Variants in SOX13 observed in about 807,000 individuals in gnomAD.
SOX13 encodes the protein transcription factor SOX-13.
Under a neutral mutation model 71.8 loss-of-function variants are expected in SOX13, and 28 were observed. The observed-to-expected ratio is 0.39, with a 90% CI of 0.29 to 0.53. The LOEUF is 0.53. Ranked by LOEUF, SOX13 falls within the 20% of genes least tolerant of loss-of-function variation. The pLI is 0.70. For synonymous variants in SOX13, 309 were observed against 317.8 expected (o/e 0.97, Z 0.29); for missense variants, 627 against 810.3 (o/e 0.77, Z 2.75).
chr1:204,096,771 GT>G lies in SOX13; in HGVS notation c.-1-16139del, dbSNP rs529534060. Among the ~76,000 whole-genome samples the G allele has an allele frequency of 2.4e-4, 37 of 152,190 alleles. No individual in the cohort carries two copies. In the South Asian group the frequency reaches 7.7e-3, roughly 32 times the overall value. On this transcript the variant is annotated intron_variant, in intron 1 of 13. Coordinates refer to ENST00000367204, the MANE Select transcript of SOX13 (RefSeq NM_005686.3). ...TTCCATGTTGCCCAGGCTTCTATCT[GT>G]TTTTCACAGCAGCTATACCACTTTT... is the stretch of plus-strand genomic sequence containing the variant.
chr1:204,092,138 C>G (rs775302908), intron 1 of SOX13, among the ~76,000 whole-genome samples: 10 of 151,698 alleles, frequency 6.6e-5, no homozygotes, highest in Admixed American at 1.3e-4. Flanking sequence ...GCCTTGAGCT[C>G]CTGGGCTCAA....
In SOX13 at chr1:204,126,145, G is replaced by A. The variant is rs1656918497; in HGVS notation, c.*11G>A. ...GTGCTCACAGACTGATCCCGGCTGG[G>A]TGGGCCTGGCCCCTTCTCCTCTGGG... On this transcript the variant is annotated 3_prime_UTR_variant, in exon 14 of 14. Coordinates refer to ENST00000367204, the MANE Select transcript of SOX13 (RefSeq NM_005686.3). 1.9e-6 allele frequency: 3 copies of A among 1,611,580 alleles called. No homozygotes were observed. Among genetic ancestry groups the A allele is most frequent in the Non-Finnish European group, 2.5e-6 (3 of 1,178,236 alleles).
Position 204,073,581 on chromosome 1 carries a change from C to T in SOX13, c.-132C>T, listed in dbSNP as rs796310226. Reference sequence around the variant, plus strand: ...CCCTCCCAGCCCAGCCTCCCCAACCCGGCCCGCCCGCCGCGTCGCGGGGGC... The same window carrying T: ...CCCTCCCAGCCCAGCCTCCCCAACCTGGCCCGCCCGCCGCGTCGCGGGGGC... On this transcript the variant is annotated 5_prime_UTR_variant, in exon 1 of 14. Transcript: ENST00000367204. This position sits in a 1 kb window ranked among gnomAD's most constrained non-coding sequence, Gnocchi z 6.8. 1.1e-4 allele frequency: 17 copies of T among 151,872 alleles called. No individual in the cohort carries two copies. The highest frequency in any genetic ancestry group is 4.1e-4 in the African/African-American group (17 of 41,490). 9.4% of individuals were successfully genotyped at this position (151,872 alleles called of 1,614,324 possible).
rs1198485105 is a variant in SOX13 at position 204,116,560 on chromosome 1, C to A, written c.472C>A (p.Gln158Lys). ...GCTCCAGCTTCTGGTCATGATTCAC[C>A]AGCTGTCCACCCTGCGGGACCAGCT... The part of the protein sequence containing the change: ...KELQLLVMIH[Q>K]LSTLRDQLLT... The change falls in exon 5 of 14, where the codon CAG (glutamine) becomes AAG (lysine). Residue 158 changes from glutamine (Q) to lysine (K), a missense_variant. Gln to Lys is a moderately conservative substitution (Grantham distance 53). This residue lies in a region of SOX13 where 447 missense variants were observed against 532.2 expected (regional missense o/e 0.84). Transcript: ENST00000367204. 4 of 1,614,016 alleles carry A rather than the reference C, an allele frequency of 2.5e-6. No individual in the cohort carries two copies. The highest frequency in any genetic ancestry group is 3.4e-6 in the Non-Finnish European group (4 of 1,179,894).
At position 204,123,599 on chromosome 1, in the gene SOX13, G is replaced by T; in HGVS notation, c.1232-62G>T. ...TCAAGTAGGGGACGTCTCTCTGCTG[G>T]CCCTGGGGCACTCTCCTGACCCCAG... On this transcript the variant is annotated intron_variant, in intron 11 of 13. Coordinates refer to ENST00000367204, the MANE Select transcript of SOX13 (RefSeq NM_005686.3). The surrounding 1 kb of genome is among the most constrained non-coding windows in gnomAD (Gnocchi z 5.0). The T allele has an allele frequency of 6.4e-7, 1 of 1,565,472 alleles. No individual in the cohort carries two copies. Among genetic ancestry groups the T allele is most frequent in the South Asian group, 1.1e-5 (1 of 87,612 alleles).
At chr1:204,116,770 G>C in intron 5 of SOX13, 91 bp downstream of exon 5, 2 of 1,553,334 alleles carry the variant, frequency 1.3e-6, no homozygotes, top group South Asian at 1.3e-5. Flanking sequence ...GGCCTCACCA[G>C]TGCAAGCTGG....
intron 1 of SOX13, among the ~76,000 whole-genome samples, chr1:204,098,400 C>T (rs548226339): frequency 2.0e-5 from 3 of 151,784 alleles, no homozygotes; most frequent in Admixed American, 1.3e-4. Flanking sequence ...TTGCTTGAAC[C>T]GGGGAGGCAG....
intron 1 of SOX13, among the ~76,000 whole-genome samples, chr1:204,111,408 G>A (rs143591478): frequency 2.6e-5 from 4 of 152,230 alleles, no homozygotes; most frequent in East Asian, 1.9e-4. Flanking sequence ...AACCCAGAGC[G>A]CATCTCTGTG....
Position 204,124,644 on chromosome 1 carries a change from C to A in SOX13, c.1379C>A (p.Ser460Tyr). ...HNSSISKILG[S>Y]RWKSMTNQEK... ...TGCCCCTGGGGGGTTGGGTCAGGAT[C>A]TCGCTGGAAGTCCATGACCAACCAG... Residue 460 changes from serine (S) to tyrosine (Y), a missense_variant, in exon 13 of 14, where the codon TCT becomes TAT. By Grantham distance (144) the Ser-to-Tyr change is moderately radical (BLOSUM62 -2). Around this residue, in one of 3 missense-constraint regions of SOX13, gnomAD observed 32 missense variants for 85.4 expected, o/e 0.37. Transcript: ENST00000367204. 6.2e-7 allele frequency: 1 copy of A among 1,609,050 alleles called. No individual in the cohort carries two copies.
At chr1:204,114,182 A>G (rs981470107) in intron 2 of SOX13, 139 bp from the exon 3 acceptor site, 17 of 593,464 alleles carry the variant, frequency 2.9e-5, no homozygotes, top group Non-Finnish European at 5.2e-5. Context: ...GTGGAGGCCA[A>G]AGGGACCTAG....
At position 204,079,503 on chromosome 1, in the gene SOX13, G is replaced by A. The variant is rs544286392; in HGVS notation, c.-2+5792G>A. On this transcript the variant is annotated intron_variant, in intron 1 of 13. Coordinates refer to ENST00000367204, the MANE Select transcript of SOX13 (RefSeq NM_005686.3). ...TGGGATTACAGGCATGCGCCACCAC[G>A]CCCGGCTAATTTTTGTATTTTTAGG... is the stretch of plus-strand genomic sequence containing the variant. Among the ~76,000 whole-genome samples, 5 of 151,768 alleles carry A rather than the reference G, an allele frequency of 3.3e-5. No homozygotes were observed. In the South Asian group the frequency reaches 1.1e-3, roughly 32 times the overall value.
At chr1:204,077,773 C>G (rs925538298) in intron 1 of SOX13, among the ~76,000 whole-genome samples, 10 of 152,070 alleles carry the variant, frequency 6.6e-5, no homozygotes, top group African/African-American at 2.4e-4. Flanking sequence ...TTTCACTTTT[C>G]TACAATGGTC....
intron 1 of SOX13, among the ~76,000 whole-genome samples, chr1:204,088,114 G>C (rs1464651913): frequency 6.6e-6 from 1 of 152,208 alleles, no homozygotes. Flanking sequence ...CAGTCACAGG[G>C]AACCATCCTG....
rs148823576 is a variant in SOX13, at chr1:204,122,673, G to GT, written c.1025-180dup. The GT allele has an allele frequency of 2.1e-3, 1,301 of 609,414 alleles. 19 individuals are homozygous for GT. The African/African-American group carries it at 0.022, about 10-fold the overall frequency. 37.8% of individuals were successfully genotyped at this position (609,414 alleles called of 1,614,324 possible). ...TTGACATGCACAATAACTAGCCAGT[G>GT]TAAGTGGCATATCCCTGAGGACATG... On this transcript the variant is annotated intron_variant, in intron 9 of 13. Coordinates refer to ENST00000367204, the MANE Select transcript of SOX13 (RefSeq NM_005686.3).
intron 1 of SOX13, among the ~76,000 whole-genome samples, chr1:204,100,495 G>C (rs1656338642): frequency 6.6e-6 from 1 of 152,098 alleles, no homozygotes; most frequent in South Asian, 2.1e-4. Context: ...TGTTTGATGA[G>C]CATTATAGTA....
intron 6 of SOX13, among the ~76,000 whole-genome samples, 184 bp downstream of exon 6, chr1:204,117,374 G>T (rs942122682): frequency 1.3e-5 from 2 of 152,184 alleles, no homozygotes; most frequent in African/African-American, 4.8e-5. Context: ...CTGATTAAAG[G>T]GAGGAGCCCG....
intron 13 of SOX13, among the ~76,000 whole-genome samples, 151 bp downstream of exon 13, chr1:204,125,008 G>A (rs1461845391): frequency 1.3e-5 from 2 of 152,124 alleles, no homozygotes; most frequent in Admixed American, 1.3e-4. Context: ...GTGTATAGCT[G>A]AGCCTGCACG....
chr1:204,097,493 A>T (rs1656274210), intron 1 of SOX13, among the ~76,000 whole-genome samples: 1 of 152,040 alleles, frequency 6.6e-6, no homozygotes, highest in Non-Finnish European at 1.5e-5. Context: ...GGAGTTTGAG[A>T]CCAGCCTGAC....
Position 204,082,279 on chromosome 1 carries a change from C to T in SOX13, c.-2+8568C>T, listed in dbSNP as rs1053426690. On this transcript the variant is annotated intron_variant, in intron 1 of 13. Coordinates refer to ENST00000367204, the MANE Select transcript of SOX13 (RefSeq NM_005686.3). ...GTGTGCACATATGTGTGCAGGCAGG[C>T]AGGGGCCTGTGCTCTGGAGACCCTG... Among the ~76,000 whole-genome samples the T allele has an allele frequency of 4.6e-5, 7 of 151,918 alleles. No individual in the cohort carries two copies. In the South Asian group the frequency reaches 1.5e-3, roughly 32 times the overall value.
Sources: allele counts gnomAD v4.1 joint callset (sites outside exome capture counted in the v4.1 genomes callset), GRCh38; gene constraint gnomAD v4.1.1; regional missense constraint gnomAD v4.1.1; non-coding constraint Gnocchi (gnomAD v3.1); transcripts MANE v1.5; gene names NCBI Gene and HGNC (gene_info 2026-07-23, HGNC 2026-07-21).